The following PCID2 variants were observed in gnomAD, a reference collection of about 807,000 sequenced individuals.
PCID2 encodes PCI domain containing 2.
In PCID2, 41 loss-of-function variants were observed where a neutral mutation model predicts 61.3. The observed-to-expected ratio is 0.67, with a 90% confidence interval of 0.52 to 0.87. The LOEUF (loss-of-function observed/expected upper bound fraction) is 0.87. Among genes scored for constraint, PCID2 ranks in the 40% least tolerant of loss-of-function variants. The pLI is 0.00. For missense variants in PCID2, 392 were observed against 493.4 expected (o/e 0.79, Z 1.95); for synonymous variants, 187 against 177.8 (o/e 1.05, Z -0.41).
intron 7 of PCID2, among the ~76,000 whole-genome samples, chr13:113,189,428 T>C (rs1436412369): frequency 6.6e-6 from 1 of 152,062 alleles, no homozygotes; most frequent in Non-Finnish European, 1.5e-5. Context: ...CAGCCTCAGG[T>C]ATTCCTTTAT....
intron 10 of PCID2, 79 bp from the exon 11 acceptor site, chr13:113,180,310 T>A: frequency 8.9e-7 from 1 of 1,128,118 alleles, no homozygotes; most frequent in Non-Finnish European, 1.3e-6. Context: ...ATCAAGGAAT[T>A]AAGTTTTAAG....
chr13:113,205,945 A>C (rs1010160203), intron 1 of PCID2, among the ~76,000 whole-genome samples: 4 of 152,246 alleles, frequency 2.6e-5, no homozygotes, highest in Non-Finnish European at 4.4e-5. Context: ...TAAATGGTAT[A>C]TTTTAAGTTA....
At chr13:113,171,611 C>A in the PCID2 span, 191 of 1,614,156 alleles carry the variant, frequency 1.2e-4, no homozygotes, top group Non-Finnish European at 1.6e-4. The surrounding 1 kb of genome is among the most constrained non-coding windows in gnomAD (Gnocchi z 5.1). Flanking sequence ...CAGAACGAGC[C>A]AAGACCCGCT....
intron 9 of PCID2, chr13:113,183,900 T>A: frequency 1.0e-6 from 1 of 985,436 alleles, no homozygotes; most frequent in Non-Finnish European, 1.2e-6. Flanking sequence ...AACGAGAGCT[T>A]TGACACCAGG....
the PCID2 span, chr13:113,172,166 G>A: frequency 6.3e-7 from 1 of 1,589,868 alleles, no homozygotes; most frequent in South Asian, 1.1e-5. Flanking sequence ...AGCTGGCACT[G>A]CCACTGTGGA....
chr13:113,173,607 T>C (rs2037149318), downstream of PCID2, among the ~76,000 whole-genome samples: 1 of 152,216 alleles, frequency 6.6e-6, no homozygotes, highest in African/African-American at 2.4e-5. Context: ...AACCCCAGAA[T>C]TAAACTTTTC....
chr13:113,185,824 G>A (rs538531200), intron 7 of PCID2: 5 of 334,824 alleles, frequency 1.5e-5, no homozygotes, highest in South Asian at 1.3e-4. Flanking sequence ...CTTCCTCCGC[G>A]GCACCAGCTA....
At chr13:113,170,335 T>C in the PCID2 span, 7 of 880,994 alleles carry the variant, frequency 7.9e-6, no homozygotes, top group South Asian at 9.2e-5. Context: ...GTGGTCCATA[T>C]CCCTATCCAG....
Position 113,178,152 on chromosome 13 carries a change from G to T in PCID2, c.*46C>A. On this transcript the variant is annotated 3_prime_UTR_variant, in exon 14 of 14. Coordinates refer to ENST00000337344, the MANE Select transcript of PCID2 (RefSeq NM_001127202.4). The stretch of plus-strand genomic sequence containing the variant: ...GACCGGTCTCATCAGCACAACCAAA[G>T]TGGAAAGAAACAACTGCTCACCCGT... 6.9e-7 allele frequency: 1 copy of T among 1,455,288 alleles called. No individual in the cohort carries two copies. Among genetic ancestry groups the T allele is most frequent in the Non-Finnish European group, 9.6e-7 (1 of 1,037,324 alleles). 90.1% of individuals were successfully genotyped at this position (1,455,288 alleles called of 1,614,324 possible). A position where few individuals can be genotyped will look rare whatever the true frequency, so the allele number is the denominator to read the frequency against.
intron 1 of PCID2, among the ~76,000 whole-genome samples, chr13:113,201,513 T>C (rs1297062042): frequency 1.3e-5 from 2 of 151,992 alleles, no homozygotes; most frequent in Non-Finnish European, 2.9e-5. Context: ...GCTTTTAAAT[T>C]ATATTTACAA....
At chr13:113,178,843 A>G (rs1257436251) in intron 13 of PCID2, 123 bp downstream of exon 13, 1 of 853,008 alleles carries the variant, frequency 1.2e-6, no homozygotes, top group Non-Finnish European at 1.8e-6. Flanking sequence ...GGCTAAAATT[A>G]GTTCTATCAA....
chr13:113,206,846 G>T (rs1211458352), intron 1 of PCID2, among the ~76,000 whole-genome samples: 12 of 152,098 alleles, frequency 7.9e-5, no homozygotes, highest in Admixed American at 7.9e-4. Context: ...GTCCATCCTG[G>T]GCCCAGCCCC....
At chr13:113,176,460 T>C, downstream of PCID2, among the ~76,000 whole-genome samples, 4 of 152,302 alleles carry the variant, frequency 2.6e-5, 2 homozygotes, top group Admixed American at 1.3e-4. Flanking sequence ...AACAGAACTG[T>C]GGCCTTATAA....
At chr13:113,173,019 C>G (rs559394774), downstream of PCID2, among the ~76,000 whole-genome samples, 2 of 152,318 alleles carry the variant, frequency 1.3e-5, no homozygotes, top group African/African-American at 4.8e-5. Flanking sequence ...GCCATGAGGG[C>G]TCTGCCAGCC....
intron 7 of PCID2, among the ~76,000 whole-genome samples, chr13:113,188,986 C>A (rs1002505190): frequency 1.3e-5 from 2 of 152,146 alleles, no homozygotes; most frequent in African/African-American, 4.8e-5. Context: ...CATGTTAAAA[C>A]CTGATCCCCG....
intron 1 of PCID2, chr13:113,208,007 G>C: frequency 6.2e-7 from 1 of 1,607,180 alleles, no homozygotes; most frequent in Non-Finnish European, 8.5e-7. Flanking sequence ...TCTTTTAACT[G>C]TGCTTCTGCT....
At chr13:113,204,807 G>A (rs1303695520) in intron 1 of PCID2, among the ~76,000 whole-genome samples, 4 of 152,192 alleles carry the variant, frequency 2.6e-5, no homozygotes, top group Non-Finnish European at 5.9e-5. Flanking sequence ...GACTGGCGCC[G>A]CAGTGGACAC....
chr13:113,184,906 G>A (rs1227597981), intron 8 of PCID2, among the ~76,000 whole-genome samples: 1 of 149,960 alleles, frequency 6.7e-6, no homozygotes, highest in Non-Finnish European at 1.5e-5. Flanking sequence ...GCAGGAGCCC[G>A]TGCTTGTGGA....
chr13:113,204,466 G>C (rs956596538), intron 1 of PCID2, among the ~76,000 whole-genome samples: 1 of 152,196 alleles, frequency 6.6e-6, no homozygotes, highest in African/African-American at 2.4e-5. Flanking sequence ...GACCCCTGCT[G>C]GGGGCACTCA....
Sources: allele counts gnomAD v4.1 joint callset (sites outside exome capture counted in the v4.1 genomes callset), GRCh38; gene constraint gnomAD v4.1.1; non-coding constraint Gnocchi (gnomAD v3.1); transcripts MANE v1.5; gene names NCBI Gene and HGNC (gene_info 2026-07-23, HGNC 2026-07-21).